The following RPS6KC1 variants were observed in gnomAD, a reference collection of about 807,000 sequenced individuals.
RPS6KC1 encodes the protein ribosomal protein S6 kinase C1.
RPS6KC1 carries 54 observed loss-of-function variants against 103.8 expected under a neutral mutation model. That is an observed-to-expected ratio of 0.52 (90% CI 0.42 to 0.65). RPS6KC1 has a LOEUF of 0.65. Among genes scored for constraint, RPS6KC1 ranks in the 30% least tolerant of loss-of-function variants. The pLI, the probability that RPS6KC1 is intolerant of heterozygous loss-of-function variation, is 0.00. For missense variants in RPS6KC1, 1,151 were observed against 1,253.8 expected (o/e 0.92, Z 1.24); for synonymous variants, 439 against 438.7 (o/e 1.00, Z -0.01).
intron 14 of RPS6KC1, among the ~76,000 whole-genome samples, chr1:213,271,186 A>C (rs1000480291): frequency 2.0e-5 from 3 of 152,240 alleles, no homozygotes; most frequent in Non-Finnish European, 2.9e-5. Flanking sequence ...TAAGTATCTA[A>C]AAACTAGTGA....
the RPS6KC1 span, among the ~76,000 whole-genome samples, chr1:213,346,486 T>A: frequency 6.6e-6 from 1 of 152,136 alleles, no homozygotes; most frequent in African/African-American, 2.4e-5. Flanking sequence ...TAAATGAAGA[T>A]ACAGAAGTAT....
the RPS6KC1 span, among the ~76,000 whole-genome samples, chr1:213,613,975 C>T: frequency 5.3e-5 from 8 of 152,198 alleles, no homozygotes; most frequent in East Asian, 1.9e-4. Flanking sequence ...GCTTTTACTG[C>T]GGCTGGGTGG....
chr1:213,757,268 C>T, the RPS6KC1 span, among the ~76,000 whole-genome samples: 1 of 152,152 alleles, frequency 6.6e-6, no homozygotes, highest in South Asian at 2.1e-4. Context: ...GAAAGCTAGA[C>T]CTCTTGCACC....
chr1:213,844,135 A>C, the RPS6KC1 span, among the ~76,000 whole-genome samples: 46 of 152,316 alleles, frequency 3.0e-4, no homozygotes, highest in East Asian at 6.9e-3. Flanking sequence ...TGAACAATGC[A>C]CACATTGTAA....
chr1:213,644,579 A>C, the RPS6KC1 span, among the ~76,000 whole-genome samples: 4 of 151,104 alleles, frequency 2.6e-5, no homozygotes, highest in African/African-American at 9.7e-5. Context: ...CTGTCTCCAT[A>C]GTTTGCCTTT....
At chr1:213,662,366 A>G in the RPS6KC1 span, among the ~76,000 whole-genome samples, 3 of 151,766 alleles carry the variant, frequency 2.0e-5, no homozygotes, top group African/African-American at 7.3e-5. Context: ...GGTTCAAGCA[A>G]TCCTCCAATC....
chr1:213,635,174 G>A, the RPS6KC1 span, among the ~76,000 whole-genome samples: 1 of 152,154 alleles, frequency 6.6e-6, no homozygotes, highest in South Asian at 2.1e-4. Context: ...TGGATTCACA[G>A]CCGAATTCTA....
the RPS6KC1 span, among the ~76,000 whole-genome samples, chr1:213,338,935 C>T: frequency 2.4e-4 from 37 of 152,108 alleles, no homozygotes; most frequent in South Asian, 7.3e-3. Context: ...GAAATGCTTC[C>T]CACGCTGAAC....
the RPS6KC1 span, among the ~76,000 whole-genome samples, chr1:213,598,939 C>CAAAA: frequency 7.9e-5 from 12 of 151,996 alleles, no homozygotes; most frequent in East Asian, 1.5e-3. Flanking sequence ...CAAAACAAAA[C>CAAAA]CAAAAAAACT....
At chr1:213,768,276 A>G in the RPS6KC1 span, among the ~76,000 whole-genome samples, 2 of 152,186 alleles carry the variant, frequency 1.3e-5, no homozygotes, top group African/African-American at 4.8e-5. Context: ...CAGGACCAAG[A>G]CTGGAAAGAG....
chr1:213,548,801 C>A, the RPS6KC1 span, among the ~76,000 whole-genome samples: 56 of 152,122 alleles, frequency 3.7e-4, 1 homozygote, highest in Non-Finnish European at 6.5e-4. Context: ...CATGGGAAAT[C>A]ATTTTATTAT....
chr1:213,599,699 G>A, the RPS6KC1 span, among the ~76,000 whole-genome samples: 4 of 152,282 alleles, frequency 2.6e-5, no homozygotes, highest in Admixed American at 6.5e-5. Flanking sequence ...CAAATCTGTC[G>A]CTTGTACCAA....
the RPS6KC1 span, among the ~76,000 whole-genome samples, chr1:213,704,656 T>C: frequency 2.0e-5 from 3 of 152,214 alleles, no homozygotes; most frequent in African/African-American, 4.8e-5. Context: ...TTTGGTGAGA[T>C]CGTGTTTTCC....
chr1:213,656,195 T>C, the RPS6KC1 span, among the ~76,000 whole-genome samples: 3 of 152,312 alleles, frequency 2.0e-5, no homozygotes, highest in South Asian at 6.2e-4. Context: ...CAGAATCATA[T>C]GTGCAGCCAG....
the RPS6KC1 span, among the ~76,000 whole-genome samples, chr1:213,696,773 A>G: frequency 6.6e-6 from 1 of 152,168 alleles, no homozygotes; most frequent in Non-Finnish European, 1.5e-5. Context: ...CTCACCTCTC[A>G]ATGCAACACA....
chr1:213,471,912 C>T, the RPS6KC1 span, among the ~76,000 whole-genome samples: 1 of 152,118 alleles, frequency 6.6e-6, no homozygotes, highest in African/African-American at 2.4e-5. Context: ...TGACTTGGAG[C>T]TGAAAAGAGG....
intron 12 of RPS6KC1, among the ~76,000 whole-genome samples, chr1:213,251,229 C>T (rs2094540796): frequency 6.6e-6 from 1 of 150,946 alleles, no homozygotes; most frequent in Admixed American, 6.7e-5. Context: ...GTCTCAGTCT[C>T]CCAAGTAGCT....
chr1:213,534,935 A>G, the RPS6KC1 span, among the ~76,000 whole-genome samples: 4 of 152,040 alleles, frequency 2.6e-5, no homozygotes, highest in Admixed American at 6.5e-5. Flanking sequence ...CTTCTCCCCA[A>G]TCATGGTTAA....
the RPS6KC1 span, among the ~76,000 whole-genome samples, chr1:213,712,397 G>A: frequency 6.6e-6 from 1 of 152,238 alleles, no homozygotes; most frequent in Non-Finnish European, 1.5e-5. Flanking sequence ...GTCAACTTCA[G>A]ACTGCTGTGC....
Sources: allele counts gnomAD v4.1 joint callset (sites outside exome capture counted in the v4.1 genomes callset), GRCh38; gene constraint gnomAD v4.1.1; transcripts MANE v1.5; gene names NCBI Gene and HGNC (gene_info 2026-07-23, HGNC 2026-07-21).